Variants in ELAVL4 observed in about 807,000 individuals in gnomAD.
The protein encoded by ELAVL4 is ELAV like RNA binding protein 4.
A neutral mutation model predicts 35.6 loss-of-function variants in ELAVL4; 1 was observed. The observed-to-expected ratio is 0.03, with a 90% CI of 0.01 to 0.13. The LOEUF (loss-of-function observed/expected upper bound fraction) is 0.13, where lower values mean the gene tolerates loss of function less well. Among genes scored for constraint, ELAVL4 ranks in the 10% least tolerant of loss-of-function variants. ELAVL4 has a pLI of 1.00. For synonymous variants in ELAVL4, 156 were observed against 171.0 expected, an observed-to-expected ratio of 0.91 and a Z score of 0.69; for missense variants, 267 against 464.9, an observed-to-expected ratio of 0.57 and a Z score of 3.91.
At chr1:50,094,670 C>G (rs2148508225) in intron 1 of ELAVL4, among the ~76,000 whole-genome samples, 1 of 151,904 alleles carries the variant, frequency 6.6e-6, no homozygotes, top group African/African-American at 2.4e-5. Context: ...CTTTGGGAGT[C>G]CAAAGTGGGC....
At chr1:50,109,224 G>C (rs1026855607) in intron 1 of ELAVL4, 26 bp downstream of exon 1, 3 of 1,610,662 alleles carry the variant, frequency 1.9e-6, no homozygotes, top group Admixed American at 3.4e-5. Context: ...TTTATAATCT[G>C]TTGTTTGTGT....
intron 1 of ELAVL4, among the ~76,000 whole-genome samples, chr1:50,124,682 G>A (rs1489119198): frequency 1.3e-5 from 2 of 152,080 alleles, no homozygotes; most frequent in African/African-American, 4.8e-5. Context: ...CAGTGCAGTG[G>A]TGCAATCACA....
chr1:50,167,131 C>T (rs2148789158), intron 2 of ELAVL4, among the ~76,000 whole-genome samples: 1 of 152,108 alleles, frequency 6.6e-6, no homozygotes, highest in South Asian at 2.1e-4. Flanking sequence ...AGAGCATACA[C>T]AGCCTTCTGG....
At chr1:50,133,647 G>GAAAGAA (rs1671376584) in intron 1 of ELAVL4, among the ~76,000 whole-genome samples, 1 of 148,360 alleles carries the variant, frequency 6.7e-6, no homozygotes, top group Non-Finnish European at 1.5e-5. Context: ...AAGAAAGAAA[G>GAAAGAA]AAAGAGAAAG....
chr1:50,050,201 T>G (rs1443202648), intron 1 of ELAVL4, among the ~76,000 whole-genome samples: 1 of 152,250 alleles, frequency 6.6e-6, no homozygotes, highest in Non-Finnish European at 1.5e-5. Flanking sequence ...ATATTATATA[T>G]GTACAGTGCC....
chr1:50,058,654 C>A (rs6691876), intron 1 of ELAVL4, among the ~76,000 whole-genome samples: 91,253 of 151,032 alleles, frequency 0.6, 28,234 homozygotes, highest in Non-Finnish European at 0.67. Context: ...TACTCTGTCA[C>A]CCAGGCTAGA....
chr1:50,146,434 A>G (rs1192824404), intron 2 of ELAVL4, among the ~76,000 whole-genome samples: 1 of 152,194 alleles, frequency 6.6e-6, no homozygotes, highest in Non-Finnish European at 1.5e-5. Flanking sequence ...CAAAGGGCTT[A>G]TTGTGAGGAT....
chr1:50,177,956 G>T (rs991867268), intron 3 of ELAVL4, among the ~76,000 whole-genome samples: 1 of 152,218 alleles, frequency 6.6e-6, no homozygotes, highest in Admixed American at 6.5e-5. Context: ...TTAAGTTTCT[G>T]TCACTGGATA....
At chr1:50,097,400 T>C (rs1665764754) in intron 1 of ELAVL4, among the ~76,000 whole-genome samples, 1 of 152,328 alleles carries the variant, frequency 6.6e-6, no homozygotes, top group African/African-American at 2.4e-5. Flanking sequence ...ACTGAAAATG[T>C]TGTTTGCTAA....
At chr1:50,131,434 C>T (rs1351369255) in intron 1 of ELAVL4, among the ~76,000 whole-genome samples, 3 of 152,002 alleles carry the variant, frequency 2.0e-5, no homozygotes, top group African/African-American at 7.3e-5. Flanking sequence ...CTCTTATAAT[C>T]TAAAATTCTA....
chr1:50,193,366 GTT>G (rs5774071), intron 3 of ELAVL4, among the ~76,000 whole-genome samples: 11 of 145,276 alleles, frequency 7.6e-5, no homozygotes, highest in African/African-American at 2.3e-4. Context: ...ATTTCATGAG[GTT>G]TTTTTTTTTT....
intron 1 of ELAVL4, among the ~76,000 whole-genome samples, chr1:50,066,730 T>A (rs961334427): frequency 6.6e-6 from 1 of 152,160 alleles, no homozygotes; most frequent in African/African-American, 2.4e-5. Flanking sequence ...ACACTGAAAA[T>A]GGCTTTCTAT....
At chr1:50,186,380 C>T (rs545376665) in intron 3 of ELAVL4, among the ~76,000 whole-genome samples, 1 of 152,302 alleles carries the variant, frequency 6.6e-6, no homozygotes, top group South Asian at 2.1e-4. Context: ...TGCTCAGACT[C>T]ATAGGGCAGG....
intron 1 of ELAVL4, among the ~76,000 whole-genome samples, chr1:50,081,689 A>G (rs550558578): frequency 2.6e-5 from 4 of 152,214 alleles, no homozygotes; most frequent in African/African-American, 9.6e-5. Flanking sequence ...AAAATTTTTT[A>G]TTGTTATACT....
chr1:50,134,499 G>T (rs1341475788), intron 1 of ELAVL4, among the ~76,000 whole-genome samples: 1 of 152,146 alleles, frequency 6.6e-6, no homozygotes, highest in African/African-American at 2.4e-5. Context: ...AACCTTCAGA[G>T]TTCAGAGGGT....
intron 1 of ELAVL4, 146 bp from the exon 2 acceptor site, chr1:50,144,810 TA>T: frequency 8.2e-7 from 1 of 1,224,506 alleles, no homozygotes. Flanking sequence ...AACATGCTTC[TA>T]AATTGGCTGT....
At chr1:50,150,460 C>G (rs1432440126) in intron 2 of ELAVL4, among the ~76,000 whole-genome samples, 1 of 152,180 alleles carries the variant, frequency 6.6e-6, no homozygotes, top group Non-Finnish European at 1.5e-5. Flanking sequence ...CACTGGGTAA[C>G]TTGTGTTCTT....
At chr1:50,076,361 C>T (rs1664763124) in intron 1 of ELAVL4, among the ~76,000 whole-genome samples, 1 of 152,192 alleles carries the variant, frequency 6.6e-6, no homozygotes, top group African/African-American at 2.4e-5. Context: ...ATCACGCTTA[C>T]ATAACTTTTA....
chr1:50,084,260 A>G (rs531393232), intron 1 of ELAVL4, among the ~76,000 whole-genome samples: 88 of 152,306 alleles, frequency 5.8e-4, no homozygotes, highest in Admixed American at 9.2e-4. Flanking sequence ...AGGCATGTTT[A>G]CCATGTGTCA....
Sources: allele counts gnomAD v4.1 joint callset (sites outside exome capture counted in the v4.1 genomes callset), GRCh38; gene constraint gnomAD v4.1.1; transcripts MANE v1.5; gene names NCBI Gene and HGNC (gene_info 2026-07-23, HGNC 2026-07-21).